HDAC9: variants seen among roughly 807,000 people sequenced by gnomAD.
HDAC9 encodes histone deacetylase 9.
A neutral mutation model predicts 139.4 loss-of-function variants in HDAC9; 41 were observed. The observed-to-expected ratio is 0.29, with a 90% CI of 0.23 to 0.38. The LOEUF is 0.38. Among genes scored for constraint, HDAC9 ranks in the 10% least tolerant of loss-of-function variants. The probability of loss-of-function intolerance (pLI) is 1.00; values close to 1 mark genes in which losing one functional copy is unlikely to be tolerated. For missense variants in HDAC9, 1,147 were observed against 1,297.0 expected, an observed-to-expected ratio of 0.88 and a Z score of 1.78; for synonymous variants, 517 against 476.2, an observed-to-expected ratio of 1.09 and a Z score of -1.12.
intron 11 of HDAC9, among the ~76,000 whole-genome samples, chr7:18,649,517 CAG>C (rs1375409640): frequency 6.6e-6 from 1 of 152,056 alleles, no homozygotes; most frequent in Non-Finnish European, 1.5e-5. Context: ...AGTTATGTTA[CAG>C]AGGCATGAGA....
At chr7:18,172,778 T>A (rs1788553364) in intron 2 of HDAC9, among the ~76,000 whole-genome samples, 1 of 152,248 alleles carries the variant, frequency 6.6e-6, no homozygotes, top group Non-Finnish European at 1.5e-5. Flanking sequence ...AGTTTCTTAA[T>A]CCTGAGTTCT....
At position 18,829,017 on chromosome 7, in the gene HDAC9, G is replaced by A. The variant is rs1034886597; in HGVS notation, c.2323-144G>A. 4.0e-5 allele frequency: 27 copies of A among 671,292 alleles called. No homozygotes were observed. In the Admixed American group the frequency reaches 4.5e-4, roughly 11 times the overall value. 41.6% of individuals were successfully genotyped at this position (671,292 alleles called of 1,614,324 possible). On this transcript the variant is annotated intron_variant, in intron 17 of 25. Transcript: ENST00000686413. ...TCTTCATTCTATGACTGGCAATGGG[G>A]GAACAAAAACAATCTCGGAAGCGTA... is the stretch of plus-strand genomic sequence containing the variant.
chr7:18,731,232 G>A (rs918099726), intron 13 of HDAC9, among the ~76,000 whole-genome samples: 1 of 152,046 alleles, frequency 6.6e-6, no homozygotes, highest in South Asian at 2.1e-4. Context: ...GAGGGGAGAG[G>A]CTATTTGTAT....
chr7:18,924,903 A>G (rs1476811484), intron 22 of HDAC9, among the ~76,000 whole-genome samples: 1 of 152,186 alleles, frequency 6.6e-6, no homozygotes, highest in Non-Finnish European at 1.5e-5. Flanking sequence ...TGCCATGGCC[A>G]TCATAACCTG....
At chr7:18,955,309 T>C (rs144186899) in intron 24 of HDAC9, among the ~76,000 whole-genome samples, 22 of 152,196 alleles carry the variant, frequency 1.4e-4, no homozygotes, top group East Asian at 5.8e-4. Flanking sequence ...CTTGTTTCCA[T>C]TGGGGCTAGA....
At chr7:18,370,532 C>T (rs1172619866) in intron 1 of HDAC9, among the ~76,000 whole-genome samples, 1 of 152,040 alleles carries the variant, frequency 6.6e-6, no homozygotes, top group Non-Finnish European at 1.5e-5. Context: ...ATGCATAAAA[C>T]CATATTTCTT....
At chr7:18,487,970 T>G (rs1796094504) in intron 1 of HDAC9, among the ~76,000 whole-genome samples, 1 of 152,050 alleles carries the variant, frequency 6.6e-6, no homozygotes, top group Non-Finnish European at 1.5e-5. Flanking sequence ...TGACAGAATT[T>G]TTGGTGTTCA....
intron 21 of HDAC9, among the ~76,000 whole-genome samples, chr7:18,851,042 G>A (rs1157438780): frequency 1.3e-5 from 2 of 152,192 alleles, no homozygotes; most frequent in East Asian, 3.9e-4. Flanking sequence ...CATAGCAATT[G>A]CCAAGACAAA....
chr7:18,656,031 C>A (rs1791015131), intron 11 of HDAC9, among the ~76,000 whole-genome samples: 1 of 149,186 alleles, frequency 6.7e-6, no homozygotes, highest in Non-Finnish European at 1.5e-5. Context: ...TGAAAACTGC[C>A]AGTGGGTAGC....
At chr7:18,318,814 T>C (rs1185891508) in intron 1 of HDAC9, among the ~76,000 whole-genome samples, 1 of 152,190 alleles carries the variant, frequency 6.6e-6, no homozygotes, top group African/African-American at 2.4e-5. Flanking sequence ...GGGGGGATAA[T>C]ACTCCCTATA....
chr7:18,988,550 G>C (rs561605125), intron 25 of HDAC9, among the ~76,000 whole-genome samples: 3 of 152,008 alleles, frequency 2.0e-5, no homozygotes, highest in Admixed American at 6.6e-5. Flanking sequence ...TTGATTTGGG[G>C]TGGAGAGTTC....
intron 22 of HDAC9, among the ~76,000 whole-genome samples, chr7:18,882,124 A>G (rs934137156): frequency 2.6e-5 from 4 of 152,114 alleles, no homozygotes; most frequent in African/African-American, 9.7e-5. Flanking sequence ...AAAAGAATCC[A>G]TGATTTTTTT....
At chr7:18,748,854 T>C in intron 13 of HDAC9, 151 bp from the exon 14 acceptor site, 2 of 734,466 alleles carry the variant, frequency 2.7e-6, no homozygotes, top group Non-Finnish European at 4.4e-6. Flanking sequence ...AGTTCTTATG[T>C]GCTCCTGAGA....
At chr7:18,385,522 G>A (rs1379686565) in intron 1 of HDAC9, among the ~76,000 whole-genome samples, 1 of 152,102 alleles carries the variant, frequency 6.6e-6, no homozygotes, top group Non-Finnish European at 1.5e-5. Flanking sequence ...TTGTTTTCTG[G>A]TCTGTGGTAG....
chr7:18,882,270 C>T (rs1444098278), intron 22 of HDAC9, among the ~76,000 whole-genome samples: 1 of 151,968 alleles, frequency 6.6e-6, no homozygotes, highest in Non-Finnish European at 1.5e-5. Context: ...TTCCTGTGTT[C>T]TATAATATTT....
upstream of HDAC9, among the ~76,000 whole-genome samples, chr7:18,493,005 TA>T (rs992002624): frequency 1.3e-5 from 2 of 151,960 alleles, no homozygotes; most frequent in African/African-American, 4.8e-5. Context: ...GGATGAAACG[TA>T]AATAAACCTC....
chr7:18,182,072 G>T (rs1215229152), intron 2 of HDAC9, among the ~76,000 whole-genome samples: 1 of 152,136 alleles, frequency 6.6e-6, no homozygotes, highest in Non-Finnish European at 1.5e-5. Context: ...AGGGGAAAAG[G>T]TGTGTGTCAT....
At chr7:18,436,207 A>T (rs1791188615) in intron 1 of HDAC9, among the ~76,000 whole-genome samples, 1 of 152,090 alleles carries the variant, frequency 6.6e-6, no homozygotes, top group African/African-American at 2.4e-5. Flanking sequence ...ACAAAAATTG[A>T]TTACTGCTGA....
chr7:18,937,704 G>T (rs1267361453), intron 23 of HDAC9, among the ~76,000 whole-genome samples: 1 of 152,030 alleles, frequency 6.6e-6, no homozygotes, highest in Non-Finnish European at 1.5e-5. Context: ...CATTATAAAG[G>T]CTTACACCAG....
Sources: allele counts gnomAD v4.1 joint callset (sites outside exome capture counted in the v4.1 genomes callset), GRCh38; gene constraint gnomAD v4.1.1; transcripts MANE v1.5; gene names NCBI Gene and HGNC (gene_info 2026-07-23, HGNC 2026-07-21).